The following ZFAND3 variants were observed in gnomAD, a reference collection of about 807,000 sequenced individuals.
ZFAND3 encodes zinc finger AN1-type containing 3, also known as AN1-type zinc finger protein 3.
In ZFAND3, 10 loss-of-function variants were observed where a neutral mutation model predicts 29.6. That is an observed-to-expected ratio of 0.34 (90% CI 0.21 to 0.57). The LOEUF (loss-of-function observed/expected upper bound fraction) is 0.57, where lower values mean the gene tolerates loss of function less well. ZFAND3 is among the 20% of genes least tolerant of loss of function. The pLI, the probability that ZFAND3 is intolerant of heterozygous loss-of-function variation, is 0.86. For missense variants in ZFAND3, 230 were observed against 304.5 expected (o/e 0.76, Z 1.82); for synonymous variants, 128 against 112.6 (o/e 1.14, Z -0.87).
chr6:37,860,115 C>G (rs191785151), intron 1 of ZFAND3, among the ~76,000 whole-genome samples: 5 of 150,134 alleles, frequency 3.3e-5, no homozygotes, highest in African/African-American at 7.4e-5. Flanking sequence ...AGGTGATCCA[C>G]CCGCCTCGGC....
intron 5 of ZFAND3, among the ~76,000 whole-genome samples, chr6:38,129,660 T>C (rs1346731850): frequency 6.6e-6 from 1 of 152,194 alleles, no homozygotes; most frequent in Non-Finnish European, 1.5e-5. Flanking sequence ...GGTTCTCTGT[T>C]GTTTTCCGTT....
Position 37,819,894 on chromosome 6 carries a change from G to A in ZFAND3, c.-52G>A, listed in dbSNP as rs1763626785. 2 of 1,147,014 alleles carry A rather than the reference G, an allele frequency of 1.7e-6. No homozygotes were observed. Among genetic ancestry groups the A allele is most frequent in the Non-Finnish European group, 1.1e-6 (1 of 927,154 alleles). The allele number at this position is 1,147,014 out of a possible 1,614,324, so 71.1% of individuals were successfully genotyped here. ...ACCGCCTCCTCAGAGCGGGGCCCGG[G>A]CCCAGCCGCCGCCACCGCTGCCGCC... is the stretch of plus-strand genomic sequence containing the variant. On this transcript the variant is annotated 5_prime_UTR_variant, in exon 1 of 6. Coordinates refer to ENST00000287218, the MANE Select transcript of ZFAND3 (RefSeq NM_021943.3).
chr6:37,962,199 A>C (rs1762209638), intron 2 of ZFAND3, among the ~76,000 whole-genome samples: 1 of 152,222 alleles, frequency 6.6e-6, no homozygotes, highest in Admixed American at 6.5e-5. Flanking sequence ...AAGTTGAAAA[A>C]TGAAATTGGT....
At chr6:37,930,401 G>C (rs572458198) in intron 2 of ZFAND3, among the ~76,000 whole-genome samples, 1 of 152,152 alleles carries the variant, frequency 6.6e-6, no homozygotes, top group Non-Finnish European at 1.5e-5. Context: ...CCCATCATCA[G>C]ATCCATCATA....
chr6:38,014,330 ATTT>A lies in ZFAND3; in HGVS notation c.113-47252_113-47250del, dbSNP rs869081015. Reference sequence around the variant, plus strand: ...ATTTTACTTTATTATTATTATTATTATTTTTTTTTTTTTGAGATGGAGTTTCAC... The same window carrying A: ...ATTTTACTTTATTATTATTATTATTATTTTTTTTTTGAGATGGAGTTTCAC... On this transcript the variant is annotated intron_variant, in intron 2 of 5. Transcript: ENST00000287218. Among the ~76,000 whole-genome samples the A allele has an allele frequency of 9.5e-4, 143 of 150,908 alleles. 1 individual carries two copies. The highest frequency in any genetic ancestry group is 2.0e-3 in the African/African-American group (83 of 41,286).
chr6:38,091,414 A>C (rs1386366053), intron 4 of ZFAND3, among the ~76,000 whole-genome samples: 1 of 151,460 alleles, frequency 6.6e-6, no homozygotes, highest in African/African-American at 2.4e-5. Flanking sequence ...GCCTGAGCCA[A>C]TACTATTTAA....
chr6:37,896,609 T>TC (rs1243858303), intron 1 of ZFAND3, among the ~76,000 whole-genome samples: 5 of 148,338 alleles, frequency 3.4e-5, no homozygotes, highest in African/African-American at 1.2e-4. Context: ...TCTCTCTCTC[T>TC]TTCTTTCTTT....
chr6:37,966,167 C>G (rs1581797617), intron 2 of ZFAND3, among the ~76,000 whole-genome samples: 1 of 152,262 alleles, frequency 6.6e-6, no homozygotes, highest in East Asian at 1.9e-4. Flanking sequence ...TTGCATTTTC[C>G]TTCTATGCAA....
chr6:37,862,305 A>G (rs191981401), intron 1 of ZFAND3, among the ~76,000 whole-genome samples: 45 of 152,230 alleles, frequency 3.0e-4, no homozygotes, highest in African/African-American at 1.1e-3. Flanking sequence ...GGCCTCATTC[A>G]CCCATCATAC....
At chr6:38,027,538 A>C (rs1348059052) in intron 2 of ZFAND3, among the ~76,000 whole-genome samples, 1 of 152,206 alleles carries the variant, frequency 6.6e-6, no homozygotes, top group Non-Finnish European at 1.5e-5. Context: ...TAAGTCTATA[A>C]AATATCAATG....
At position 38,061,617 on chromosome 6, in the gene ZFAND3, A is replaced by G; in HGVS notation, c.137A>G (p.Asp46Gly). Reference protein sequence around the residue: ...FADFQKKQPDDDSAPSTSNSQ... With the variant: ...FADFQKKQPDGDSAPSTSNSQ... ...GATTTTCAAAAGAAACAGCCAGACG[A>G]TGATTCCGCTCCAAGTACAAGTAAC... Residue 46 changes from aspartate to glycine, a missense_variant, in exon 3 of 6, where the codon GAT becomes GGT. Physicochemically the swap from Asp to Gly is moderately conservative, Grantham distance 94 (BLOSUM62 -1). Around this residue, in one of 2 missense-constraint regions of ZFAND3, gnomAD observed 180 missense variants for 202.5 expected, o/e 0.89. Transcript: ENST00000287218. The G allele has an allele frequency of 6.2e-7, 1 of 1,614,182 alleles. No homozygotes were observed. The highest frequency in any genetic ancestry group is 8.5e-7 in the Non-Finnish European group (1 of 1,180,026).
At chr6:37,973,954 CGA>C (rs1762433781) in intron 2 of ZFAND3, among the ~76,000 whole-genome samples, 2 of 152,136 alleles carry the variant, frequency 1.3e-5, no homozygotes, top group Non-Finnish European at 2.9e-5. Context: ...CTTTAGTGAC[CGA>C]GAGTTTATTG....
At chr6:38,146,631 G>A (rs1180830126) in intron 5 of ZFAND3, among the ~76,000 whole-genome samples, 1 of 152,188 alleles carries the variant, frequency 6.6e-6, no homozygotes, top group Non-Finnish European at 1.5e-5. Flanking sequence ...TAAGGAGCAG[G>A]GTAGCCAGTC....
intron 1 of ZFAND3, among the ~76,000 whole-genome samples, chr6:37,874,200 A>G (rs146235169): frequency 8.1e-4 from 124 of 152,156 alleles, no homozygotes; most frequent in African/African-American, 2.8e-3. Flanking sequence ...TTTCCTCTGT[A>G]TGTATCTGTC....
At chr6:37,821,914 G>A (rs1233741725) in intron 1 of ZFAND3, among the ~76,000 whole-genome samples, 2 of 152,152 alleles carry the variant, frequency 1.3e-5, no homozygotes, top group East Asian at 1.9e-4. Context: ...ACTTACTGCA[G>A]CCTGCACCTC....
At chr6:38,144,211 A>ATATATAATATATATATAT (rs70981524) in intron 5 of ZFAND3, among the ~76,000 whole-genome samples, 7 of 45,846 alleles carry the variant, frequency 1.5e-4, no homozygotes, top group African/African-American at 8.7e-4. Flanking sequence ...ATATATATAT[A>ATATATAATATATATATAT]ATATATAATA....
At chr6:37,920,982 G>T (rs942117087) in intron 1 of ZFAND3, among the ~76,000 whole-genome samples, 2 of 152,094 alleles carry the variant, frequency 1.3e-5, no homozygotes, top group African/African-American at 4.8e-5. Context: ...AGATTGTTAG[G>T]AGTCTTTAAT....
rs1334255876 is a variant in ZFAND3, at chr6:38,144,225, A to T, written c.530-8010A>T. The stretch of plus-strand genomic sequence containing the variant: ...TATATATATATAATATATAATATAT[A>T]TATATATTTTTTTTTTAATAAGGTT... On this transcript the variant is annotated intron_variant, in intron 5 of 5. Coordinates refer to ENST00000287218, the MANE Select transcript of ZFAND3 (RefSeq NM_021943.3). Among the ~76,000 whole-genome samples, 278 of 75,472 alleles carry T rather than the reference A, an allele frequency of 3.7e-3. 16 individuals carry two copies. In the East Asian group the frequency reaches 0.053, roughly 14 times the overall value. 49.5% of individuals were successfully genotyped at this position (75,472 alleles called of 152,430 possible). A position where few individuals can be genotyped will look rare whatever the true frequency, so the allele number is the denominator to read the frequency against.
In ZFAND3 at chr6:37,995,229, G is replaced by A. The variant is rs142106203; in HGVS notation, c.112+65230G>A. On this transcript the variant is annotated intron_variant, in intron 2 of 5. Transcript: ENST00000287218. ...TTCTTTTGAGGTGATCTTCTTAGTA[G>A]AAATTTAATTTTAACCTCTTTCTTA... is the stretch of plus-strand genomic sequence containing the variant. Among the ~76,000 whole-genome samples the A allele has an allele frequency of 8.3e-3, 1,270 of 152,164 alleles. 9 individuals carry two copies. Among genetic ancestry groups the A allele is most frequent in the Non-Finnish European group, 0.013 (908 of 67,998 alleles).
Sources: allele counts gnomAD v4.1 joint callset (sites outside exome capture counted in the v4.1 genomes callset), GRCh38; gene constraint gnomAD v4.1.1; regional missense constraint gnomAD v4.1.1; transcripts MANE v1.5; gene names NCBI Gene and HGNC (gene_info 2026-07-23, HGNC 2026-07-21).